TESMIN: variants seen among roughly 807,000 people sequenced by gnomAD.
TESMIN encodes testis expressed metallothionein like protein, also known as CXC domain containing 2.
In TESMIN, 34 loss-of-function variants were observed where a neutral mutation model predicts 47.4. The observed-to-expected ratio is 0.72, with a 90% CI of 0.55 to 0.96. TESMIN has a LOEUF of 0.96. Ranked by LOEUF, TESMIN falls within the 40% of genes least tolerant of loss-of-function variation. The probability of loss-of-function intolerance (pLI) is 0.00; values close to 1 mark genes in which losing one functional copy is unlikely to be tolerated. For missense variants in TESMIN, 610 were observed against 637.2 expected, an observed-to-expected ratio of 0.96 and a Z score of 0.46; for synonymous variants, 278 against 258.9, an observed-to-expected ratio of 1.07 and a Z score of -0.71.
chr11:68,740,427 G>A (rs1946442346), intron 5 of TESMIN, among the ~76,000 whole-genome samples: 1 of 152,166 alleles, frequency 6.6e-6, no homozygotes, highest in Admixed American at 6.5e-5. Flanking sequence ...AAGGAAAGGT[G>A]GGGGAAGGTG....
intron 2 of TESMIN, among the ~76,000 whole-genome samples, chr11:68,748,294 T>C (rs185882663): frequency 3.8e-4 from 58 of 152,374 alleles, no homozygotes; most frequent in African/African-American, 1.3e-3. Flanking sequence ...GGCAAATCAC[T>C]CAGCACAGCA....
downstream of TESMIN, among the ~76,000 whole-genome samples, chr11:68,705,102 G>A (rs375708696): frequency 2.4e-3 from 364 of 152,264 alleles, 1 homozygote; most frequent in African/African-American, 8.3e-3. Flanking sequence ...AAGGACTCCT[G>A]GGGAGAGAGT....
intron 9 of TESMIN, among the ~76,000 whole-genome samples, chr11:68,709,586 A>C (rs1946038750): frequency 6.6e-6 from 1 of 152,234 alleles, no homozygotes; most frequent in African/African-American, 2.4e-5. Context: ...AAGTCGAAAA[A>C]TTTTCAGGAA....
At chr11:68,741,114 G>A (rs1419659677) in intron 5 of TESMIN, among the ~76,000 whole-genome samples, 2 of 151,948 alleles carry the variant, frequency 1.3e-5, no homozygotes, top group African/African-American at 4.8e-5. Context: ...TGATCTGAGC[G>A]ATCATCTCTC....
At chr11:68,705,532 A>AGT (rs1566308391), downstream of TESMIN, among the ~76,000 whole-genome samples, 6 of 152,226 alleles carry the variant, frequency 3.9e-5, no homozygotes, top group African/African-American at 1.4e-4. Flanking sequence ...CTTTCTGTGC[A>AGT]GTGCGCAGCC....
chr11:68,713,977 C>A (rs1316681234), intron 7 of TESMIN, among the ~76,000 whole-genome samples: 1 of 152,188 alleles, frequency 6.6e-6, no homozygotes, highest in Admixed American at 6.5e-5. Flanking sequence ...GACTTCAAAG[C>A]AGGTCTCAAC....
intron 6 of TESMIN, among the ~76,000 whole-genome samples, chr11:68,735,890 C>T (rs748963122): frequency 2.0e-5 from 3 of 152,210 alleles, no homozygotes; most frequent in Non-Finnish European, 2.9e-5. Context: ...GAAATAACAG[C>T]GCCAGTAAAG....
intron 6 of TESMIN, among the ~76,000 whole-genome samples, chr11:68,727,914 T>C (rs1182700528): frequency 1.3e-5 from 2 of 152,230 alleles, no homozygotes; most frequent in East Asian, 3.8e-4. Context: ...CGAACTTAAG[T>C]GCAATTGTTT....
chr11:68,720,757 T>C (rs1946195260), intron 6 of TESMIN, among the ~76,000 whole-genome samples: 1 of 152,226 alleles, frequency 6.6e-6, no homozygotes, highest in African/African-American at 2.4e-5. Context: ...AATCTACTGA[T>C]TCTGGCTCAG....
At chr11:68,711,401 ATG>A (rs752899371) in intron 8 of TESMIN, among the ~76,000 whole-genome samples, 3 of 146,464 alleles carry the variant, frequency 2.0e-5, no homozygotes, top group African/African-American at 5.1e-5. Context: ...GTGAATGTGA[ATG>A]TGTGTGTGAC....
At chr11:68,716,333 T>C (rs1257213752) in intron 6 of TESMIN, among the ~76,000 whole-genome samples, 2 of 152,182 alleles carry the variant, frequency 1.3e-5, no homozygotes, top group African/African-American at 4.8e-5. Flanking sequence ...CCCCAGTCCA[T>C]CCAACATGAC....
At chr11:68,724,887 C>G (rs1043468357) in intron 6 of TESMIN, among the ~76,000 whole-genome samples, 1 of 152,056 alleles carries the variant, frequency 6.6e-6, no homozygotes, top group Non-Finnish European at 1.5e-5. Flanking sequence ...TTATTTAGGG[C>G]AAGGCAAGGG....
At chr11:68,730,956 C>A (rs867172232) in intron 6 of TESMIN, among the ~76,000 whole-genome samples, 29 of 152,188 alleles carry the variant, frequency 1.9e-4, no homozygotes, top group African/African-American at 6.3e-4. Flanking sequence ...GAAACAATAG[C>A]AACAAAAGGT....
chr11:68,708,454 C>A lies in TESMIN; in HGVS notation c.1381G>T (p.Ala461Ser). 6.2e-6 allele frequency: 10 copies of A among 1,613,696 alleles called. No homozygotes were observed. The highest frequency in any genetic ancestry group is 8.5e-6 in the Non-Finnish European group (10 of 1,179,806). ...TCTTCTCCCTGAGCAAGCAGGCAGG[C>A]GCATGTGGCCTCCACCACCTCCCAG... ...ISWEVVEATC[A>S]CLLAQGEEAE... Residue 461 changes from alanine (A) to serine (S), a missense_variant, in exon 10 of 10, where the codon GCC becomes TCC. Transcript: ENST00000255087.
chr11:68,747,477 CCT>C (rs751071145), intron 2 of TESMIN, 111 bp from the exon 3 acceptor site: 8 of 948,132 alleles, frequency 8.4e-6, no homozygotes, highest in Non-Finnish European at 1.1e-5. Flanking sequence ...ATGGTGAAAC[CCT>C]GTCTCTACTA....
rs758029862 is a variant in TESMIN, at chr11:68,738,744, G to T, written c.873C>A (p.Pro291=). 12 of 1,613,896 alleles carry T rather than the reference G, an allele frequency of 7.4e-6. No individual in the cohort carries two copies. Among genetic ancestry groups the T allele is most frequent in the Admixed American group, 1.7e-5 (1 of 59,988 alleles). Residue 291 remains proline (P), a synonymous_variant, in exon 6 of 10, where the codon CCC becomes CCA. Coordinates refer to ENST00000255087, the MANE Select transcript of TESMIN (RefSeq NM_004923.3). ...GTGGTCCTGGAAGAGTTGATCCCGA[G>T]GGGAAAGCAGACCCGTTGACTACCG... The part of the protein sequence containing the change: ...LPSVVNGSAF[P]SGSTLPGPPK...
chr11:68,706,640 C>T (rs1199656118), downstream of TESMIN, among the ~76,000 whole-genome samples: 1 of 152,228 alleles, frequency 6.6e-6, no homozygotes, highest in Non-Finnish European at 1.5e-5. Context: ...GAGTACAAGA[C>T]ACCCTGCATT....
Position 68,750,280 on chromosome 11 carries a change from C to T in TESMIN, c.381G>A (p.Ser127=), listed in dbSNP as rs372108722. 341 of 1,549,686 alleles carry T rather than the reference C, an allele frequency of 2.2e-4. No homozygotes were observed. The highest frequency in any genetic ancestry group is 2.6e-4 in the Non-Finnish European group (297 of 1,155,744). Residue 127 remains serine (S), a synonymous_variant, in exon 2 of 10, where the codon TCG becomes TCA. Coordinates refer to ENST00000255087, the MANE Select transcript of TESMIN (RefSeq NM_004923.3). ...CCGGGCTGCGGTGCGCGGGTAGCAG[C>T]GAGGACAGGAAGTGCACGTTGCAGG... ...PPACNVHFLS[S]LLPAHRSPAV...
chr11:68,732,945 G>C (rs1946346289), intron 6 of TESMIN: 1 of 152,216 alleles, frequency 6.6e-6, no homozygotes, highest in African/African-American at 2.4e-5. Flanking sequence ...GAAGACTGTG[G>C]TTAGGGTCGT....
Sources: gnomAD v4.1 joint callset for allele counts (sites outside exome capture counted in the v4.1 genomes callset) on GRCh38, gnomAD v4.1.1 for gene constraint, MANE v1.5 for transcripts, NCBI Gene and HGNC (gene_info 2026-07-23, HGNC 2026-07-21) for gene names.